The following FKBP6 variants were observed in gnomAD, a reference collection of about 807,000 sequenced individuals.
FKBP6 encodes inactive peptidyl-prolyl cis-trans isomerase FKBP6.
Under a neutral mutation model 41.7 loss-of-function variants are expected in FKBP6, and 29 were observed. The observed-to-expected ratio is 0.70, with a 90% CI of 0.52 to 0.95. FKBP6 has a LOEUF of 0.95. Ranked by LOEUF, FKBP6 falls within the 40% of genes least tolerant of loss-of-function variation. FKBP6 has a pLI of 0.00. For synonymous variants in FKBP6, 130 were observed against 165.1 expected (o/e 0.79, Z 1.63); for missense variants, 338 against 408.7 (o/e 0.83, Z 1.49).
intron 6 of FKBP6, 103 bp downstream of exon 6, chr7:73,340,935 T>C: frequency 1.1e-6 from 1 of 944,504 alleles, no homozygotes. Flanking sequence ...TTTTTTTTTT[T>C]TTTTTTAGAC....
intron 8 of FKBP6, among the ~76,000 whole-genome samples, chr7:73,345,115 G>A (rs1178969): frequency 0.11 from 17,167 of 150,740 alleles, 1,176 homozygotes; most frequent in Middle Eastern, 0.18. Flanking sequence ...TGAAATAGCC[G>A]AAGCAACAGA....
chr7:73,328,717 CA>C, intron 2 of FKBP6, 25 bp downstream of exon 2: 4 of 1,611,992 alleles, frequency 2.5e-6, no homozygotes, highest in Non-Finnish European at 3.4e-6. Context: ...GGTTTGTCCT[CA>C]GGATCCATGT....
At chr7:73,353,138 C>T (rs1480422893) in intron 8 of FKBP6, among the ~76,000 whole-genome samples, 6 of 152,030 alleles carry the variant, frequency 3.9e-5, no homozygotes, top group Non-Finnish European at 5.9e-5. Flanking sequence ...CTCATTCAGC[C>T]CCTCTCTCCC....
At position 73,328,637 on chromosome 7, in the gene FKBP6, G is replaced by A. The variant is rs781983438; in HGVS notation, c.120G>A (p.Lys40=). 68 of 1,611,396 alleles carry A rather than the reference G, an allele frequency of 4.2e-5. No homozygotes were observed. The highest frequency in any genetic ancestry group is 8.3e-5 in the Admixed American group (5 of 59,972). The change falls in exon 2 of 9, where the codon AAG becomes AAA. Residue 40 remains lysine, a synonymous_variant. Transcript: ENST00000252037. ...TCTCGGGGGACCGGGGCGTGCTGAA[G>A]GACGTCATCCGAGAAGGAGCTGGAG... is the stretch of plus-strand genomic sequence containing the variant. ...LDISGDRGVL[K]DVIREGAGDL...
chr7:73,329,714 G>A (rs1267179801), intron 3 of FKBP6: 6 of 568,682 alleles, frequency 1.1e-5, no homozygotes, highest in Non-Finnish European at 1.9e-5. Flanking sequence ...AAACTCAATC[G>A]AATACTTACT....
intron 8 of FKBP6, among the ~76,000 whole-genome samples, chr7:73,346,496 G>A (rs1459790692): frequency 6.6e-6 from 1 of 152,218 alleles, no homozygotes; most frequent in Non-Finnish European, 1.5e-5. Flanking sequence ...GGCCCAAGGG[G>A]CCCCAGGAGG....
intron 8 of FKBP6, among the ~76,000 whole-genome samples, chr7:73,345,197 A>G (rs1554550108): frequency 6.6e-6 from 1 of 150,996 alleles, no homozygotes; most frequent in Non-Finnish European, 1.5e-5. Context: ...TGCCAGGGAC[A>G]GAAACCTATC....
At chr7:73,346,024 G>C (rs2115928747) in intron 8 of FKBP6, among the ~76,000 whole-genome samples, 1 of 152,256 alleles carries the variant, frequency 6.6e-6, no homozygotes, top group African/African-American at 2.4e-5. Context: ...TCAAGGCAGA[G>C]GTAGCAGCTC....
rs1338420321 is a variant in FKBP6, at chr7:73,340,090, A to G, written c.589-548A>G. ...TTTGAATCATCTTTAATTTCTTTCA[A>G]CAACCATTTTGTAGTTTTCAGTGTG... is the stretch of plus-strand genomic sequence containing the variant. On this transcript the variant is annotated intron_variant, in intron 5 of 8. Coordinates refer to ENST00000252037, the MANE Select transcript of FKBP6 (RefSeq NM_003602.5). Among the ~76,000 whole-genome samples, 3 of 148,630 alleles carry G rather than the reference A, an allele frequency of 2.0e-5. 1 individual carries two copies. The Admixed American group carries it at 2.0e-4, about 10-fold the overall frequency.
At chr7:73,339,388 A>C (rs1805104659) in intron 5 of FKBP6, among the ~76,000 whole-genome samples, 1 of 152,226 alleles carries the variant, frequency 6.6e-6, no homozygotes, top group Non-Finnish European at 1.5e-5. Context: ...GACTGTAGAT[A>C]TATAAATCTA....
Position 73,355,729 on chromosome 7 carries a change from C to G in FKBP6, c.*3-2452C>G, listed in dbSNP as rs145707721. On this transcript the variant is annotated intron_variant, in intron 8 of 8. Transcript: ENST00000252037. ...GAACATCTTTCTGCTGTTCCTGTAC[C>G]CACTCTCCAATTTTTTGGTAGTACT... 2.2e-3 allele frequency among the ~76,000 whole-genome samples: 333 copies of G among 151,890 alleles called. 1 individual carries two copies. Among genetic ancestry groups the G allele is most frequent in the African/African-American group, 7.7e-3 (318 of 41,454 alleles).
At chr7:73,356,341 T>TTC in intron 8 of FKBP6, among the ~76,000 whole-genome samples, 1 of 152,280 alleles carries the variant, frequency 6.6e-6, no homozygotes. Flanking sequence ...ACGCCTGACT[T>TTC]TCCTGTGACA....
intron 8 of FKBP6, among the ~76,000 whole-genome samples, chr7:73,344,811 C>T (rs1554550076): frequency 6.6e-6 from 1 of 152,228 alleles, no homozygotes; most frequent in East Asian, 1.9e-4. Context: ...TCTCAAACTC[C>T]TGACCTCAGG....
intron 5 of FKBP6, among the ~76,000 whole-genome samples, chr7:73,332,127 G>A (rs1418492816): frequency 6.6e-6 from 1 of 152,002 alleles, no homozygotes; most frequent in Non-Finnish European, 1.5e-5. Context: ...GCCTCCCAAA[G>A]TGCTGGGATT....
Position 73,329,468 on chromosome 7 carries a change from C to A in FKBP6, c.265+19C>A, listed in dbSNP as rs191581564. The stretch of plus-strand genomic sequence containing the variant: ...GGAGAGGGTAGGTTCAGAGTGGGAG[C>A]TGGAGAAGAAGGAATTGTTTAGGGG... On this transcript the variant is annotated intron_variant, in intron 3 of 8. Coordinates refer to ENST00000252037, the MANE Select transcript of FKBP6 (RefSeq NM_003602.5). 1.4e-6 allele frequency: 2 copies of A among 1,438,208 alleles called. No homozygotes were observed. Among genetic ancestry groups the A allele is most frequent in the Admixed American group, 1.7e-5 (1 of 59,788 alleles). 89.1% of individuals were successfully genotyped at this position (1,438,208 alleles called of 1,614,324 possible).
At position 73,330,344 on chromosome 7, in the gene FKBP6, C is replaced by G. The variant is rs1435178470; in HGVS notation, c.460C>G (p.Leu154Val). ...TGCTGAGTCAGACAAGTTTTGTGCT[C>G]TCTCAGCTGTAAGTTCCAGAGCACA... ...DCAESDKFCA[L>V]SAEQQDQFPL... Residue 154 changes from leucine (L) to valine (V), a missense_variant, in exon 4 of 9, where the codon CTC becomes GTC. Coordinates refer to ENST00000252037, the MANE Select transcript of FKBP6 (RefSeq NM_003602.5). The G allele has an allele frequency of 1.2e-6, 2 of 1,611,972 alleles. No homozygotes were observed. Among genetic ancestry groups the G allele is most frequent in the Admixed American group, 1.7e-5 (1 of 59,988 alleles).
intron 8 of FKBP6, among the ~76,000 whole-genome samples, chr7:73,353,478 G>A (rs1192609846): frequency 6.6e-6 from 1 of 152,160 alleles, no homozygotes; most frequent in Non-Finnish European, 1.5e-5. Context: ...AGATCATCCT[G>A]ACAGCCGTCT....
chr7:73,353,537 T>G (rs1304760796), intron 8 of FKBP6, among the ~76,000 whole-genome samples: 1 of 152,218 alleles, frequency 6.6e-6, no homozygotes, highest in Non-Finnish European at 1.5e-5. Context: ...TGGGGCCTGA[T>G]GGACACAGCT....
chr7:73,354,002 T>G (rs1437257704), intron 8 of FKBP6, among the ~76,000 whole-genome samples: 3 of 152,214 alleles, frequency 2.0e-5, no homozygotes, highest in Non-Finnish European at 4.4e-5. Context: ...CCCTAAACCT[T>G]GTTTTTAAAC....
Sources: allele counts gnomAD v4.1 joint callset (sites outside exome capture counted in the v4.1 genomes callset), GRCh38; gene constraint gnomAD v4.1.1; transcripts MANE v1.5; gene names NCBI Gene and HGNC (gene_info 2026-07-23, HGNC 2026-07-21).